B4GALT1: variants seen among roughly 807,000 people sequenced by gnomAD.
B4GALT1 encodes N-acetyllactosamine synthase.
A neutral mutation model predicts 34.9 loss-of-function variants in B4GALT1; 16 were observed. That is an observed-to-expected ratio of 0.46 (90% CI 0.31 to 0.70). The LOEUF (loss-of-function observed/expected upper bound fraction) is 0.70, where lower values mean the gene tolerates loss of function less well. Ranked by LOEUF, B4GALT1 falls within the 30% of genes least tolerant of loss-of-function variation. The pLI is 0.05. For synonymous variants in B4GALT1, 221 were observed against 218.1 expected, an observed-to-expected ratio of 1.01 and a Z score of -0.12; for missense variants, 445 against 530.5, an observed-to-expected ratio of 0.84 and a Z score of 1.58.
At chr9:33,158,729 C>T (rs920360427) in intron 1 of B4GALT1, among the ~76,000 whole-genome samples, 1 of 152,172 alleles carries the variant, frequency 6.6e-6, no homozygotes. Flanking sequence ...TGGCTCCCTG[C>T]ACCTCCTCAG....
chr9:33,133,781 C>G (rs931464752), intron 2 of B4GALT1, among the ~76,000 whole-genome samples: 1 of 150,778 alleles, frequency 6.6e-6, no homozygotes, highest in Non-Finnish European at 1.5e-5. Context: ...GTTCTGCTCT[C>G]TCCTGCCTCA....
At chr9:33,154,871 T>C (rs1254337240) in intron 1 of B4GALT1, among the ~76,000 whole-genome samples, 1 of 151,960 alleles carries the variant, frequency 6.6e-6, no homozygotes, top group African/African-American at 2.4e-5. Context: ...CTATAATTAG[T>C]GTATTTTATA....
intron 2 of B4GALT1, 111 bp downstream of exon 2, chr9:33,135,078 G>A (rs1840246659): frequency 1.8e-6 from 2 of 1,138,516 alleles, no homozygotes; most frequent in Non-Finnish European, 2.6e-6. Context: ...CTCGCTGTAA[G>A]TGCCAGGTGT....
At chr9:33,173,591 GGTGTGTGTGTGTGTGT>G in the B4GALT1 span, among the ~76,000 whole-genome samples, 135 of 143,158 alleles carry the variant, frequency 9.4e-4, no homozygotes, top group Middle Eastern at 0.01. Flanking sequence ...AAATAAGAAT[GGTGTGTGTGTGTGTGT>G]GTGTGTGTGT....
rs978550562 is a variant in B4GALT1 at position 33,111,407 on chromosome 9, ATTC to A, written c.*2044_*2046del. The A allele has an allele frequency of 5.6e-4, 85 of 152,580 alleles. 2 individuals are homozygous for A. Among genetic ancestry groups the A allele is most frequent in the Admixed American group, 5.0e-3 (77 of 15,274 alleles). The allele number at this position is 152,580 out of a possible 1,614,324, so 9.5% of individuals were successfully genotyped here. On this transcript the variant is annotated 3_prime_UTR_variant, in exon 6 of 6. Transcript: ENST00000379731. ...TCTGCGGACAGAAAGAGAGGCTTTC[ATTC>A]TTCTTATTTCCCACAACTCCCTCTC...
At chr9:33,135,121 TAC>T in intron 2 of B4GALT1, 66 bp downstream of exon 2, 1 of 1,472,948 alleles carries the variant, frequency 6.8e-7, no homozygotes, top group East Asian at 2.3e-5. Flanking sequence ...CTGCCCTCAT[TAC>T]ACACACATCT....
At chr9:33,163,949 TGGGGGCG>T (rs1175103639) in intron 1 of B4GALT1, among the ~76,000 whole-genome samples, 1 of 152,080 alleles carries the variant, frequency 6.6e-6, no homozygotes, top group African/African-American at 2.4e-5. Flanking sequence ...GTGCCCGGTG[TGGGGGCG>T]GGGGGTACTA....
chr9:33,112,705 G>C lies in B4GALT1; in HGVS notation c.*749C>G, dbSNP rs1423232554. 1 of 152,542 alleles carries C rather than the reference G, an allele frequency of 6.6e-6. No individual in the cohort carries two copies. The highest frequency in any genetic ancestry group is 2.4e-5 in the African/African-American group (1 of 41,378). 9.4% of individuals were successfully genotyped at this position (152,542 alleles called of 1,614,324 possible). On this transcript the variant is annotated 3_prime_UTR_variant, in exon 6 of 6. Transcript: ENST00000379731. Reference sequence around the variant, plus strand: ...ACAAAATCAAGCTAGATCATAATTAGAACTCGATCTGTTCTTTCTTTAAAA... The same window carrying C: ...ACAAAATCAAGCTAGATCATAATTACAACTCGATCTGTTCTTTCTTTAAAA...
intron 2 of B4GALT1, 83 bp downstream of exon 2, chr9:33,135,106 T>A: frequency 2.9e-6 from 4 of 1,369,664 alleles, no homozygotes; most frequent in Non-Finnish European, 4.1e-6. Flanking sequence ...ATCACTCCCC[T>A]TCCCCTGCCC....
At position 33,113,589 on chromosome 9, in the gene B4GALT1, A is replaced by G. The variant is rs1839895815; in HGVS notation, c.1065-3T>C. 3.7e-6 allele frequency: 6 copies of G among 1,614,210 alleles called. No individual in the cohort carries two copies. Among genetic ancestry groups the G allele is most frequent in the Non-Finnish European group, 5.1e-6 (6 of 1,180,038 alleles). On this transcript the variant is annotated splice_region_variant and splice_polypyrimidine_tract_variant and intron_variant, in intron 5 of 5. Coordinates refer to ENST00000379731, the MANE Select transcript of B4GALT1 (RefSeq NM_001497.4). ...TTGTGTGTGCAATTCGGTCAAACCT[A>G]CAAGGAAAAGAGCACAAGGAGATTG...
chr9:33,173,027 C>T, the B4GALT1 span, among the ~76,000 whole-genome samples: 3 of 152,052 alleles, frequency 2.0e-5, no homozygotes, highest in Non-Finnish European at 4.4e-5. Context: ...TAGGAAGTCT[C>T]CTGTGAAGTA....
At chr9:33,115,878 A>T (rs2118027381) in intron 4 of B4GALT1, 113 bp downstream of exon 4, 1 of 1,375,640 alleles carries the variant, frequency 7.3e-7, no homozygotes, top group East Asian at 2.5e-5. Flanking sequence ...ATGTGGGCTG[A>T]CTAGGGGTGC....
chr9:33,180,091 T>TG, the B4GALT1 span: 5 of 152,196 alleles, frequency 3.3e-5, no homozygotes. Context: ...TTTTAAGAGA[T>TG]GGGGTCTCAC....
intron 1 of B4GALT1, among the ~76,000 whole-genome samples, chr9:33,135,911 A>ATGTGTGTGTGTGTG (rs34931533): frequency 4.4e-5 from 6 of 135,988 alleles, no homozygotes; most frequent in Admixed American, 2.8e-4. Context: ...GTGTGTGTGT[A>ATGTGTGTGTGTGTG]TGTGTGTGTG....
the B4GALT1 span, among the ~76,000 whole-genome samples, chr9:33,173,775 T>C: frequency 2.0e-5 from 3 of 152,056 alleles, no homozygotes; most frequent in Admixed American, 2.0e-4. Flanking sequence ...GCTAGGAATA[T>C]TACAAGATGA....
At chr9:33,110,015 C>T (rs1354007514), downstream of B4GALT1, among the ~76,000 whole-genome samples, 1 of 152,210 alleles carries the variant, frequency 6.6e-6, no homozygotes, top group Non-Finnish European at 1.5e-5. Flanking sequence ...TTTGCACAGG[C>T]CTGAGGTCAC....
chr9:33,113,268 G>A lies in B4GALT1; in HGVS notation c.*186C>T. ...ACCTTGCAGAGCTAAGAATTCACAT[G>A]CCGAGCCAAGTTGGGGGCAAAATAT... On this transcript the variant is annotated 3_prime_UTR_variant, in exon 6 of 6. Transcript: ENST00000379731. 1.3e-6 allele frequency: 1 copy of A among 786,094 alleles called. No individual in the cohort carries two copies. 48.7% of individuals were successfully genotyped at this position (786,094 alleles called of 1,614,324 possible).
chr9:33,120,915 T>C (rs1333631525), intron 2 of B4GALT1, among the ~76,000 whole-genome samples: 11 of 152,036 alleles, frequency 7.2e-5, no homozygotes, highest in Admixed American at 7.2e-4. Context: ...GTTCAATAAA[T>C]CATAGTACAT....
At chr9:33,119,912 T>C (rs1839995371) in intron 3 of B4GALT1, among the ~76,000 whole-genome samples, 2 of 152,158 alleles carry the variant, frequency 1.3e-5, no homozygotes, top group Admixed American at 6.5e-5. Flanking sequence ...AGGCCAGGCA[T>C]GGTGCCACAT....
Sources: allele counts gnomAD v4.1 joint callset (sites outside exome capture counted in the v4.1 genomes callset), GRCh38; gene constraint gnomAD v4.1.1; transcripts MANE v1.5; gene names NCBI Gene and HGNC (gene_info 2026-07-23, HGNC 2026-07-21).